Variants in LRP6 observed in about 807,000 individuals in gnomAD.
LRP6 encodes LDL receptor related protein 6, also known as low-density lipoprotein receptor-related protein 6.
In LRP6, 43 loss-of-function variants were observed where a neutral mutation model predicts 184.1. That is an observed-to-expected ratio of 0.23 (90% CI 0.18 to 0.30). The LOEUF is 0.30. Ranked by LOEUF, LRP6 falls within the 10% of genes least tolerant of loss-of-function variation. LRP6 has a pLI of 1.00. For missense variants in LRP6, 1,571 were observed against 2,005.3 expected (o/e 0.78, Z 4.14); for synonymous variants, 719 against 684.9 (o/e 1.05, Z -0.78).
chr12:12,129,702 G>A (rs749287629), intron 19 of LRP6, among the ~76,000 whole-genome samples: 10 of 151,948 alleles, frequency 6.6e-5, no homozygotes, highest in Admixed American at 2.0e-4. Flanking sequence ...ACAGGTGCCC[G>A]CCACCACGCC....
intron 2 of LRP6, among the ~76,000 whole-genome samples, chr12:12,239,232 T>TA (rs1159554630): frequency 6.6e-6 from 1 of 152,194 alleles, no homozygotes; most frequent in Non-Finnish European, 1.5e-5. Flanking sequence ...GACAGTGCTT[T>TA]AAAGCAAGAT....
At chr12:12,157,322 AACACACACGCTGCT>A (rs1862617110) in intron 12 of LRP6, among the ~76,000 whole-genome samples, 1 of 151,820 alleles carries the variant, frequency 6.6e-6, no homozygotes, top group Non-Finnish European at 1.5e-5. Flanking sequence ...ACCTCTCTTC[AACACACACGCTGCT>A]GCCACCACCA....
intron 1 of LRP6, among the ~76,000 whole-genome samples, chr12:12,261,149 G>A (rs1405577656): frequency 1.1e-4 from 17 of 152,114 alleles, no homozygotes; most frequent in Admixed American, 9.2e-4. Flanking sequence ...GGCCGGGCGC[G>A]GTGGCTCACG....
intron 16 of LRP6, among the ~76,000 whole-genome samples, chr12:12,136,202 C>A (rs988156894): frequency 2.0e-5 from 3 of 151,534 alleles, no homozygotes; most frequent in South Asian, 2.1e-4. Flanking sequence ...AAAACAACAA[C>A]AAAAAATTGC....
chr12:12,224,214 C>T (rs1390600388), intron 2 of LRP6, among the ~76,000 whole-genome samples: 1 of 152,170 alleles, frequency 6.6e-6, no homozygotes, highest in African/African-American at 2.4e-5. Context: ...TCATTAAGGT[C>T]CACGCTTTCT....
At chr12:12,225,194 C>T (rs11054733) in intron 2 of LRP6, among the ~76,000 whole-genome samples, 3,422 of 152,224 alleles carry the variant, frequency 0.022, 64 homozygotes, top group Non-Finnish European at 0.036. Flanking sequence ...GCCTGGGCGA[C>T]AAAGCGAGAC....
At chr12:12,142,836 A>G (rs1949953482) in intron 15 of LRP6, among the ~76,000 whole-genome samples, 1 of 152,206 alleles carries the variant, frequency 6.6e-6, no homozygotes, top group African/African-American at 2.4e-5. Context: ...AAGGTTATCT[A>G]CAGAAAAACC....
At chr12:12,179,757 G>T in intron 7 of LRP6, 53 bp downstream of exon 7, 4 of 1,572,152 alleles carry the variant, frequency 2.5e-6, no homozygotes, top group South Asian at 2.2e-5. Context: ...TTATACTGTC[G>T]ACTCAAAACC....
intron 1 of LRP6, 98 bp downstream of exon 1, chr12:12,266,583 T>A: frequency 2.8e-6 from 2 of 712,764 alleles, no homozygotes; most frequent in East Asian, 3.5e-5. Flanking sequence ...TCCTCTCCCC[T>A]TCTCCCTTCC....
chr12:12,132,101 T>G (rs759507079), intron 17 of LRP6, 44 bp from the exon 18 acceptor site: 1 of 1,270,720 alleles, frequency 7.9e-7, no homozygotes, highest in African/African-American at 1.5e-5. Flanking sequence ...AACACAATCA[T>G]GGTCACACAG....
chr12:12,228,685 A>G (rs979863896), intron 2 of LRP6, among the ~76,000 whole-genome samples: 1 of 152,214 alleles, frequency 6.6e-6, no homozygotes, highest in Non-Finnish European at 1.5e-5. Context: ...TGAACAGCGC[A>G]TGCAACAGAT....
chr12:12,163,844 A>G (rs1315277416), intron 9 of LRP6, among the ~76,000 whole-genome samples: 2 of 152,130 alleles, frequency 1.3e-5, no homozygotes, highest in South Asian at 4.1e-4. Flanking sequence ...TAAAAACTTA[A>G]GGGTTTTGGC....
At chr12:12,157,495 A>G (rs1312017777) in intron 12 of LRP6, among the ~76,000 whole-genome samples, 1 of 152,220 alleles carries the variant, frequency 6.6e-6, no homozygotes, top group African/African-American at 2.4e-5. Context: ...CAAATGAGAA[A>G]AAATAAAGGC....
At chr12:12,198,782 C>T (rs530210907) in intron 3 of LRP6, among the ~76,000 whole-genome samples, 2 of 152,162 alleles carry the variant, frequency 1.3e-5, no homozygotes, top group South Asian at 2.1e-4. Flanking sequence ...GACCCGCCTG[C>T]CTTGGCCTTC....
chr12:12,176,026 TAA>T (rs11290647), intron 7 of LRP6, among the ~76,000 whole-genome samples: 394 of 147,416 alleles, frequency 2.7e-3, no homozygotes, highest in Admixed American at 2.8e-3. Context: ...AACCTGATCC[TAA>T]AAAAAAAAAA....
intron 1 of LRP6, among the ~76,000 whole-genome samples, chr12:12,254,162 A>AAAAAAAAAAG (rs1565721161): frequency 7.4e-6 from 1 of 134,874 alleles, no homozygotes; most frequent in Non-Finnish European, 1.6e-5. Flanking sequence ...AAAAAAAAAA[A>AAAAAAAAAAG]AAAGAAAGAA....
At chr12:12,167,523 G>A (rs796663367) in intron 7 of LRP6, among the ~76,000 whole-genome samples, 5 of 151,958 alleles carry the variant, frequency 3.3e-5, no homozygotes, top group African/African-American at 9.7e-5. Flanking sequence ...CACACCTGTA[G>A]TCCCAGCTAC....
At chr12:12,206,972 A>C (rs1279604105) in intron 2 of LRP6, among the ~76,000 whole-genome samples, 1 of 152,174 alleles carries the variant, frequency 6.6e-6, no homozygotes, top group Non-Finnish European at 1.5e-5. Flanking sequence ...AGCCTCCAAA[A>C]ACTGACCAAA....
At chr12:12,233,889 T>C (rs1023695986) in intron 2 of LRP6, among the ~76,000 whole-genome samples, 14 of 152,032 alleles carry the variant, frequency 9.2e-5, no homozygotes, top group African/African-American at 3.1e-4. Context: ...AGCCTACACA[T>C]AGAGAGTAGT....
Sources: allele counts gnomAD v4.1 joint callset (sites outside exome capture counted in the v4.1 genomes callset), GRCh38; gene constraint gnomAD v4.1.1; transcripts MANE v1.5; gene names NCBI Gene and HGNC (gene_info 2026-07-23, HGNC 2026-07-21).